The following ASIC2 variants were observed in gnomAD, a reference collection of about 807,000 sequenced individuals.
The protein encoded by ASIC2 is acid-sensing ion channel 2.
Under a neutral mutation model 57.3 loss-of-function variants are expected in ASIC2, and 25 were observed. The observed-to-expected ratio is 0.44, with a 90% CI of 0.32 to 0.61. ASIC2 has a LOEUF of 0.61. Among genes scored for constraint, ASIC2 ranks in the 20% least tolerant of loss-of-function variants. The pLI is 0.06. For missense variants in ASIC2, 641 were observed against 738.1 expected (o/e 0.87, Z 1.52); for synonymous variants, 319 against 307.5 (o/e 1.04, Z -0.39).
At chr17:33,029,934 T>C (rs796749602) in intron 3 of ASIC2, among the ~76,000 whole-genome samples, 4 of 152,374 alleles carry the variant, frequency 2.6e-5, no homozygotes, top group African/African-American at 9.6e-5. Flanking sequence ...TTTTGTGAAA[T>C]GTCTGAGTTT....
At position 33,612,517 on chromosome 17, in the gene ASIC2, G is replaced by A. The variant is rs9909533; in HGVS notation, c.556-500450C>T. On this transcript the variant is annotated intron_variant, in intron 1 of 9. Transcript: ENST00000359872. Reference sequence around the variant, plus strand: ...GAGAGGTACCTATTCTGGGTTTCCTGCTTGGAGCAGAGAGTATCAGTGGTC... The same window carrying A: ...GAGAGGTACCTATTCTGGGTTTCCTACTTGGAGCAGAGAGTATCAGTGGTC... Among the ~76,000 whole-genome samples the A allele has an allele frequency of 7.7e-3, 1,178 of 152,296 alleles. 8 individuals are homozygous for A. Among genetic ancestry groups the A allele is most frequent in the African/African-American group, 0.024 (999 of 41,562 alleles).
chr17:33,859,663 G>A (rs1027548946), intron 1 of ASIC2, among the ~76,000 whole-genome samples: 1 of 152,180 alleles, frequency 6.6e-6, no homozygotes, highest in African/African-American at 2.4e-5. Flanking sequence ...ATGGTGACAT[G>A]GGCAGGGGAT....
intron 1 of ASIC2, among the ~76,000 whole-genome samples, chr17:33,940,265 G>T (rs963059268): frequency 6.6e-6 from 1 of 152,306 alleles, no homozygotes; most frequent in South Asian, 2.1e-4. Context: ...TTCACTCCAT[G>T]ATTTCTATGG....
At chr17:33,229,939 C>T (rs1347313207) in intron 1 of ASIC2, among the ~76,000 whole-genome samples, 1 of 152,164 alleles carries the variant, frequency 6.6e-6, no homozygotes, top group Non-Finnish European at 1.5e-5. Context: ...ATGTGAACTA[C>T]GTAACCTTGA....
chr17:34,076,289 G>A (rs1909650110), intron 1 of ASIC2, among the ~76,000 whole-genome samples: 1 of 152,160 alleles, frequency 6.6e-6, no homozygotes, highest in Non-Finnish European at 1.5e-5. Context: ...ACAGCTGTGA[G>A]CCACCACGCC....
Position 33,292,940 on chromosome 17 carries a change from G to A in ASIC2, c.-825C>T, listed in dbSNP as rs968493741. On this transcript the variant is annotated 5_prime_UTR_variant, in exon 1 of 10. Coordinates refer to ENST00000225823, the MANE Select transcript of ASIC2 (RefSeq NM_183377.2). The stretch of plus-strand genomic sequence containing the variant: ...CTGTTCGCCGCCGGGGTCCTTCAAG[G>A]ATGCTAGCCGCAGGGAAGTGTCGCT... 5 of 985,408 alleles carry A rather than the reference G, an allele frequency of 5.1e-6. No homozygotes were observed. Among genetic ancestry groups the A allele is most frequent in the Non-Finnish European group, 6.0e-6 (5 of 829,998 alleles). The allele number at this position is 985,408 out of a possible 1,614,324, so 61.0% of individuals were successfully genotyped here.
At chr17:34,142,637 A>G (rs1418282808) in intron 1 of ASIC2, among the ~76,000 whole-genome samples, 1 of 152,232 alleles carries the variant, frequency 6.6e-6, no homozygotes, top group Non-Finnish European at 1.5e-5. Context: ...ATTCACTGCC[A>G]TTTGCAAATT....
At chr17:33,028,142 C>T (rs1257592001) in intron 4 of ASIC2, 100 bp downstream of exon 4, 4 of 1,450,118 alleles carry the variant, frequency 2.8e-6, no homozygotes, top group Non-Finnish European at 2.8e-6. Context: ...CCTTTTGGAT[C>T]CCAGCGAAGT....
chr17:33,779,712 GATA>G (rs1911389101), intron 1 of ASIC2, among the ~76,000 whole-genome samples: 1 of 152,148 alleles, frequency 6.6e-6, no homozygotes, highest in African/African-American at 2.4e-5. Context: ...GTTTTAGTGG[GATA>G]ATAATAACAA....
At chr17:33,341,222 C>T (rs562127552) in intron 1 of ASIC2, among the ~76,000 whole-genome samples, 6 of 152,256 alleles carry the variant, frequency 3.9e-5, no homozygotes, top group South Asian at 2.1e-4. Context: ...CTGATTTGGT[C>T]GGTCAAGGCT....
chr17:34,035,581 C>T (rs561884727), intron 1 of ASIC2, among the ~76,000 whole-genome samples: 1 of 152,070 alleles, frequency 6.6e-6, no homozygotes, highest in East Asian at 1.9e-4. Context: ...AAACTACCAT[C>T]GGAGTGAACA....
At chr17:33,997,547 T>C (rs1567782379) in intron 1 of ASIC2, among the ~76,000 whole-genome samples, 1 of 152,098 alleles carries the variant, frequency 6.6e-6, no homozygotes, top group Non-Finnish European at 1.5e-5. Context: ...TGAGTTATAG[T>C]TTTATACCTA....
At chr17:33,064,477 T>A (rs1396894636) in intron 3 of ASIC2, among the ~76,000 whole-genome samples, 3 of 152,212 alleles carry the variant, frequency 2.0e-5, no homozygotes, top group Non-Finnish European at 4.4e-5. Flanking sequence ...CCTGGGTTTG[T>A]GGGTTCAGCA....
At chr17:33,262,744 C>T (rs951813758) in intron 1 of ASIC2, among the ~76,000 whole-genome samples, 7 of 152,182 alleles carry the variant, frequency 4.6e-5, no homozygotes, top group South Asian at 4.2e-4. Context: ...TAATAAATAA[C>T]GCAAATAAAC....
intron 1 of ASIC2, among the ~76,000 whole-genome samples, chr17:33,659,944 C>T (rs906589415): frequency 1.3e-5 from 2 of 151,238 alleles, no homozygotes; most frequent in African/African-American, 2.4e-5. Flanking sequence ...AATAGCTGGG[C>T]GTGTTGGCGC....
intron 1 of ASIC2, among the ~76,000 whole-genome samples, chr17:33,428,100 T>G (rs4795784): frequency 0.73 from 111,365 of 152,034 alleles, 41,374 homozygotes; most frequent in Middle Eastern, 0.79. Context: ...CCTCATAGGA[T>G]ACCCTGAGCC....
chr17:33,024,991 C>T (rs1391469617), intron 5 of ASIC2, among the ~76,000 whole-genome samples: 2 of 152,132 alleles, frequency 1.3e-5, no homozygotes, highest in Non-Finnish European at 2.9e-5. Context: ...ACACCTCCCT[C>T]CCTTTTTCCT....
intron 1 of ASIC2, among the ~76,000 whole-genome samples, chr17:34,089,421 A>G (rs1052689599): frequency 1.3e-5 from 2 of 152,164 alleles, no homozygotes; most frequent in African/African-American, 2.4e-5. Context: ...GTGGGTACAG[A>G]TGTTAAAACA....
intron 1 of ASIC2, among the ~76,000 whole-genome samples, chr17:34,066,142 G>C (rs1909165491): frequency 6.6e-6 from 1 of 152,142 alleles, no homozygotes; most frequent in African/African-American, 2.4e-5. Flanking sequence ...TATGAGTGGG[G>C]AAGGCCTGAC....
Sources: allele counts gnomAD v4.1 joint callset (sites outside exome capture counted in the v4.1 genomes callset), GRCh38; gene constraint gnomAD v4.1.1; transcripts MANE v1.5; gene names NCBI Gene and HGNC (gene_info 2026-07-23, HGNC 2026-07-21).